The following THADA variants were observed in gnomAD, a reference collection of about 807,000 sequenced individuals.
THADA encodes the protein tRNA (32-2'-O)-methyltransferase regulator THADA.
In THADA, 213 loss-of-function variants were observed where a neutral mutation model predicts 219.8. The ratio of observed to expected loss-of-function variants is 0.97; its 90% confidence interval spans 0.87 to 1.09. The LOEUF (loss-of-function observed/expected upper bound fraction) is 1.09. THADA is among the 50% of genes least tolerant of loss of function. THADA has a pLI of 0.00. For missense variants in THADA, 2,956 were observed against 2,311.3 expected (o/e 1.28, Z -5.72); for synonymous variants, 1,018 against 828.9 (o/e 1.23, Z -3.92).
rs371970621 is a variant in THADA, at chr2:43,577,208, G to T, written c.851C>A (p.Thr284Asn). 1 of 1,601,064 alleles carries T rather than the reference G, an allele frequency of 6.2e-7. No homozygotes were observed. The highest frequency in any genetic ancestry group is 1.1e-5 in the South Asian group (1 of 88,426). Residue 284 changes from threonine to asparagine, a missense_variant, in exon 10 of 38, where the codon ACC becomes AAC. By Grantham distance (65) the Thr-to-Asn change is moderately conservative. Transcript: ENST00000405975. ...SSVLLRSVDC[T>N]SVPEWFMSSC... is the part of the protein sequence containing the mutation. Reference sequence around the variant, plus strand: ...GCTCATAAACCACTCGGGGACACTGGTGCAGTCCACTGAACGAAGCAGCAC... The same window carrying T: ...GCTCATAAACCACTCGGGGACACTGTTGCAGTCCACTGAACGAAGCAGCAC...
intron 27 of THADA, 100 bp from the exon 28 acceptor site, chr2:43,428,331 G>T: frequency 8.2e-7 from 1 of 1,217,114 alleles, no homozygotes; most frequent in Non-Finnish European, 1.1e-6. Context: ...TATATGGCCG[G>T]GTGCGGTGAC....
At chr2:43,247,770 T>C (rs1168571652) in intron 36 of THADA, among the ~76,000 whole-genome samples, 2 of 135,362 alleles carry the variant, frequency 1.5e-5, no homozygotes, top group African/African-American at 5.5e-5. Context: ...GTGCTGGGCA[T>C]AGTGGCTCAT....
At chr2:43,320,594 G>A in intron 30 of THADA, 54 bp from the exon 31 acceptor site, 2 of 1,391,494 alleles carry the variant, frequency 1.4e-6, no homozygotes, top group Non-Finnish European at 2.0e-6. Context: ...CTTAGGTCTG[G>A]GTCTCAGGAA....
At chr2:43,510,962 C>T (rs1413297667) in intron 22 of THADA, among the ~76,000 whole-genome samples, 1 of 150,170 alleles carries the variant, frequency 6.7e-6, no homozygotes, top group Non-Finnish European at 1.5e-5. Context: ...CACAGCAAGA[C>T]TCCATCTCAA....
At chr2:43,469,116 G>C (rs1031101558) in intron 26 of THADA, among the ~76,000 whole-genome samples, 1 of 152,148 alleles carries the variant, frequency 6.6e-6, no homozygotes, top group African/African-American at 2.4e-5. Context: ...AAAAAGCTTT[G>C]GGTTGAACCC....
intron 21 of THADA, among the ~76,000 whole-genome samples, chr2:43,533,731 G>C (rs868608512): frequency 3.3e-5 from 5 of 152,066 alleles, no homozygotes; most frequent in Middle Eastern, 3.2e-3. Context: ...CACACATCAG[G>C]GCCTGTCGTT....
At position 43,552,182 on chromosome 2, in the gene THADA, A is replaced by G. The variant is rs907995364; in HGVS notation, c.2810+22T>C. On this transcript the variant is annotated intron_variant, in intron 18 of 37. Coordinates refer to ENST00000405975, the MANE Select transcript of THADA (RefSeq NM_022065.5). ...GAAATGAATGGATTTCTGAGACAGG[A>G]GGCAGCTGTGGAAATCCTTACTTTA... The G allele has an allele frequency of 1.9e-6, 3 of 1,597,576 alleles. No individual in the cohort carries two copies. In the African/African-American group the frequency reaches 4.0e-5, roughly 21 times the overall value.
rs771102193 is a variant in THADA, at chr2:43,527,890, T to G, written c.3363A>C (p.Glu1121Asp). Residue 1121 changes from glutamate to aspartate, a missense_variant, in exon 22 of 38, where the codon GAA (glutamate) becomes GAC (aspartate). By Grantham distance (45) the Glu-to-Asp change is conservative (BLOSUM62 2). Coordinates refer to ENST00000405975, the MANE Select transcript of THADA (RefSeq NM_022065.5). ...LAYTGFVKLT[E>D]VLNRCPNVSL... ...GATATTTGTTTTACCTGTTTAGTACTTCAGTGAGTTTCACAAAACCAGTAT... is the reference window on the plus strand; with the variant it reads ...GATATTTGTTTTACCTGTTTAGTACGTCAGTGAGTTTCACAAAACCAGTAT... 4.3e-6 allele frequency: 7 copies of G among 1,609,794 alleles called. No homozygotes were observed. Among genetic ancestry groups the G allele is most frequent in the Non-Finnish European group, 4.3e-6 (5 of 1,176,444 alleles).
chr2:43,577,368 A>G lies in THADA; in HGVS notation c.817-126T>C, dbSNP rs1381413619. 18 of 727,486 alleles carry G rather than the reference A, an allele frequency of 2.5e-5. No homozygotes were observed. In the East Asian group the frequency reaches 4.4e-4, roughly 18 times the overall value. The allele number at this position is 727,486 out of a possible 1,614,324, so 45.1% of individuals were successfully genotyped here. On this transcript the variant is annotated intron_variant, in intron 9 of 37. Transcript: ENST00000405975. The stretch of plus-strand genomic sequence containing the variant: ...AGGAAAAATGACTAAATCCAAAGAT[A>G]AAATACCCACAAATGTCATGATTAT...
intron 21 of THADA, among the ~76,000 whole-genome samples, chr2:43,533,924 A>T (rs960462349): frequency 6.6e-5 from 10 of 152,176 alleles, no homozygotes; most frequent in African/African-American, 2.4e-4. Context: ...TAAAACAAAA[A>T]ACTCTTGTTT....
intron 28 of THADA, among the ~76,000 whole-genome samples, chr2:43,401,747 G>A (rs929282207): frequency 2.0e-5 from 3 of 152,098 alleles, no homozygotes; most frequent in Non-Finnish European, 4.4e-5. Context: ...AAGCTCAGAA[G>A]GATTCAGTGA....
intron 29 of THADA, among the ~76,000 whole-genome samples, chr2:43,391,570 G>A (rs1361239406): frequency 6.6e-6 from 1 of 152,114 alleles, no homozygotes. Flanking sequence ...ATTGCCAAAA[G>A]GTAAGATTTA....
intron 4 of THADA, among the ~76,000 whole-genome samples, chr2:43,588,806 A>G (rs12463527): frequency 0.14 from 21,353 of 152,116 alleles, 1,724 homozygotes; most frequent in African/African-American, 0.22. Flanking sequence ...TGGTCCAGAA[A>G]TTCCACTTCT....
rs71410179 is a variant in THADA at position 43,448,560 on chromosome 2, C to CTTT, written c.3837-18261_3837-18259dup. ...AAGGGCAATTCACTTTTCTTCCTTT[C>CTTT]TTTTTTTTTTTTTTTTTTTGCTTTT... On this transcript the variant is annotated intron_variant, in intron 26 of 37. Coordinates refer to ENST00000405975, the MANE Select transcript of THADA (RefSeq NM_022065.5). 5.4e-3 allele frequency among the ~76,000 whole-genome samples: 559 copies of CTTT among 103,554 alleles called. 8 individuals are homozygous for CTTT. The highest frequency in any genetic ancestry group is 8.1e-3 in the Admixed American group (73 of 8,968). The allele number at this position is 103,554 out of a possible 152,430, so 67.9% of individuals were successfully genotyped here. A position where few individuals can be genotyped will look rare whatever the true frequency, so the allele number is the denominator to read the frequency against.
intron 30 of THADA, among the ~76,000 whole-genome samples, chr2:43,342,315 C>T (rs900564333): frequency 6.6e-6 from 1 of 152,216 alleles, no homozygotes; most frequent in African/African-American, 2.4e-5. Context: ...TATCCCTATC[C>T]AAAGCTATTA....
At chr2:43,411,066 A>G (rs907260788) in intron 28 of THADA, among the ~76,000 whole-genome samples, 3 of 152,234 alleles carry the variant, frequency 2.0e-5, no homozygotes, top group African/African-American at 7.2e-5. Flanking sequence ...CTTTTAAAAA[A>G]TCAAATCAAT....
chr2:43,328,228 A>C (rs1442940353), intron 30 of THADA, among the ~76,000 whole-genome samples: 1 of 152,194 alleles, frequency 6.6e-6, no homozygotes, highest in African/African-American at 2.4e-5. Context: ...ATATATATTT[A>C]AACAAGTCAT....
intron 28 of THADA, among the ~76,000 whole-genome samples, chr2:43,411,283 C>T (rs576108352): frequency 5.9e-5 from 9 of 152,258 alleles, no homozygotes; most frequent in East Asian, 5.8e-4. Context: ...AATGAGTGTT[C>T]CCCATCTCTG....
chr2:43,453,811 T>C (rs967740527), intron 26 of THADA, among the ~76,000 whole-genome samples: 1 of 152,214 alleles, frequency 6.6e-6, no homozygotes, highest in African/African-American at 2.4e-5. Flanking sequence ...AGACCCAAAA[T>C]CGTTTAAAGA....
Sources: allele counts gnomAD v4.1 joint callset (sites outside exome capture counted in the v4.1 genomes callset), GRCh38; gene constraint gnomAD v4.1.1; transcripts MANE v1.5; gene names NCBI Gene and HGNC (gene_info 2026-07-23, HGNC 2026-07-21).